The following FAT3 variants were observed in gnomAD, a reference collection of about 807,000 sequenced individuals.
FAT3 encodes the protein FAT atypical cadherin 3.
FAT3 carries 95 observed loss-of-function variants against 310.2 expected under a neutral mutation model. That is an observed-to-expected ratio of 0.31 (90% confidence interval 0.26 to 0.36). The LOEUF (loss-of-function observed/expected upper bound fraction) is 0.36, where lower values mean the gene tolerates loss of function less well. FAT3 is among the 10% of genes least tolerant of loss of function. The probability of loss-of-function intolerance (pLI) is 1.00; values close to 1 mark genes in which losing one functional copy is unlikely to be tolerated. For synonymous variants in FAT3, 2,314 were observed against 2,192.9 expected, an observed-to-expected ratio of 1.06 and a Z score of -1.54; for missense variants, 5,408 against 5,715.6, an observed-to-expected ratio of 0.95 and a Z score of 1.74.
chr11:92,427,446 C>G (rs946043874), intron 2 of FAT3, among the ~76,000 whole-genome samples: 12 of 152,222 alleles, frequency 7.9e-5, no homozygotes, highest in Admixed American at 4.6e-4. Context: ...TGTCTTGTGC[C>G]AGTTTTCAAA....
intron 2 of FAT3, among the ~76,000 whole-genome samples, chr11:92,371,504 C>T (rs964530560): frequency 6.6e-6 from 1 of 152,150 alleles, no homozygotes; most frequent in African/African-American, 2.4e-5. Flanking sequence ...TCACTTGAGT[C>T]CAGGAGTTTG....
intron 19 of FAT3, among the ~76,000 whole-genome samples, chr11:92,853,015 T>G (rs1368773972): frequency 6.6e-6 from 1 of 152,194 alleles, no homozygotes; most frequent in African/African-American, 2.4e-5. Flanking sequence ...ACCTTTTGCC[T>G]GAGTATTTCT....
At chr11:92,811,274 G>A (rs1947664919) in intron 13 of FAT3, among the ~76,000 whole-genome samples, 1 of 152,154 alleles carries the variant, frequency 6.6e-6, no homozygotes, top group African/African-American at 2.4e-5. Flanking sequence ...TGACTTTGGG[G>A]AAAGAGAACA....
chr11:92,745,780 C>T (rs1265683485), intron 4 of FAT3, among the ~76,000 whole-genome samples: 1 of 152,100 alleles, frequency 6.6e-6, no homozygotes, highest in Non-Finnish European at 1.5e-5. Context: ...CTTCATTGTC[C>T]TGAAATGCAA....
intron 2 of FAT3, among the ~76,000 whole-genome samples, chr11:92,523,763 C>G (rs1249726443): frequency 6.6e-6 from 1 of 152,120 alleles, no homozygotes; most frequent in East Asian, 1.9e-4. Flanking sequence ...GATCCTGTCC[C>G]TGTGGTAAGT....
chr11:92,489,346 A>G (rs968986771), intron 2 of FAT3, among the ~76,000 whole-genome samples: 9 of 152,134 alleles, frequency 5.9e-5, no homozygotes, highest in Non-Finnish European at 1.2e-4. Context: ...CTGGAGGCCT[A>G]TTCCCGATCA....
chr11:92,325,120 A>G (rs976613759), intron 1 of FAT3, among the ~76,000 whole-genome samples: 2 of 152,150 alleles, frequency 1.3e-5, no homozygotes, highest in Admixed American at 1.3e-4. Context: ...AGCAGGTGAG[A>G]CTCATACAGC....
rs573799879 is a variant in FAT3 at position 92,459,315 on chromosome 11, G to A, written c.3293-65319G>A. On this transcript the variant is annotated intron_variant, in intron 2 of 27. Coordinates refer to ENST00000525166, the MANE Select transcript of FAT3 (RefSeq NM_001367949.2). ...ATCCTCTTACCTGCGGGGAGTTCCA[G>A]TTGGCCATTGGAGCTGCTCCTGTAG... Among the ~76,000 whole-genome samples, 5 of 152,298 alleles carry A rather than the reference G, an allele frequency of 3.3e-5. No homozygotes were observed. In the South Asian group the frequency reaches 1.0e-3, roughly 32 times the overall value.
chr11:92,315,477 GTGTATATATATATATATATA>G (rs1405418253), intron 1 of FAT3, among the ~76,000 whole-genome samples: 1 of 81,648 alleles, frequency 1.2e-5, no homozygotes, highest in African/African-American at 4.9e-5. Context: ...GTGTGTGTGT[GTGTATATATATATATATATA>G]TATATATATA....
intron 2 of FAT3, among the ~76,000 whole-genome samples, chr11:92,417,645 A>T (rs902571865): frequency 6.6e-6 from 1 of 152,342 alleles, no homozygotes; most frequent in East Asian, 1.9e-4. Context: ...AAGGGAAAAA[A>T]TACACAATGG....
chr11:92,697,936 A>T (rs1943987824), intron 4 of FAT3, among the ~76,000 whole-genome samples: 2 of 152,208 alleles, frequency 1.3e-5, no homozygotes, highest in African/African-American at 4.8e-5. Context: ...ATTCATTAAG[A>T]CAGAAACTAC....
intron 1 of FAT3, among the ~76,000 whole-genome samples, chr11:92,229,507 G>GTTTTTTTTTTTTTTTTTTTTTTTT (rs1565339350): frequency 3.4e-5 from 2 of 58,160 alleles, no homozygotes; most frequent in African/African-American, 6.4e-5. Context: ...TTTTTTTTTT[G>GTTTTTTTTTTTTTTTTTTTTTTTT]TTTTTTGTTT....
chr11:92,614,173 G>GT (rs1222520431), intron 3 of FAT3, among the ~76,000 whole-genome samples: 6 of 151,910 alleles, frequency 3.9e-5, no homozygotes, highest in Admixed American at 6.6e-5. Context: ...CTGTTTCCAT[G>GT]TTTTTTTGGC....
At chr11:92,609,166 A>G (rs1940445987) in intron 3 of FAT3, among the ~76,000 whole-genome samples, 1 of 152,220 alleles carries the variant, frequency 6.6e-6, no homozygotes, top group Non-Finnish European at 1.5e-5. Context: ...TGAATAATTA[A>G]CTGTGGGTGG....
At chr11:92,732,123 A>T (rs1945199393) in intron 4 of FAT3, among the ~76,000 whole-genome samples, 1 of 152,170 alleles carries the variant, frequency 6.6e-6, no homozygotes, top group Non-Finnish European at 1.5e-5. Context: ...ATTTACTCAC[A>T]TCAATTTACT....
At chr11:92,710,045 A>G (rs2135945414) in intron 4 of FAT3, among the ~76,000 whole-genome samples, 1 of 152,318 alleles carries the variant, frequency 6.6e-6, no homozygotes, top group East Asian at 1.9e-4. Context: ...GCTAACGTAT[A>G]CCTTGCTGTT....
intron 20 of FAT3, among the ~76,000 whole-genome samples, chr11:92,858,484 T>C (rs1949039646): frequency 6.6e-6 from 1 of 152,126 alleles, no homozygotes; most frequent in Admixed American, 6.5e-5. Flanking sequence ...ATTCCACCTT[T>C]CCCCCCAGCA....
chr11:92,574,543 T>A (rs1938365711), intron 3 of FAT3, among the ~76,000 whole-genome samples: 1 of 152,132 alleles, frequency 6.6e-6, no homozygotes, highest in Non-Finnish European at 1.5e-5. Context: ...GGAAATGTAC[T>A]CACCAGTCCC....
At chr11:92,361,069 G>T (rs1309902168) in intron 2 of FAT3, among the ~76,000 whole-genome samples, 1 of 152,096 alleles carries the variant, frequency 6.6e-6, no homozygotes, top group African/African-American at 2.4e-5. Context: ...TCTTGCCCCA[G>T]ACTCTGGGGG....
Sources: allele counts gnomAD v4.1 joint callset (sites outside exome capture counted in the v4.1 genomes callset), GRCh38; gene constraint gnomAD v4.1.1; transcripts MANE v1.5; gene names NCBI Gene and HGNC (gene_info 2026-07-23, HGNC 2026-07-21).